TTLL11: variants seen among roughly 807,000 people sequenced by gnomAD.
The protein encoded by TTLL11 is tubulin polyglutamylase TTLL11.
TTLL11 carries 42 observed loss-of-function variants against 51.7 expected under a neutral mutation model. The observed-to-expected ratio is 0.81, with a 90% confidence interval of 0.64 to 1.05. The LOEUF (loss-of-function observed/expected upper bound fraction) is 1.05. TTLL11 is among the 50% of genes least tolerant of loss of function. The pLI is 0.00. For missense variants in TTLL11, 799 were observed against 940.4 expected, an observed-to-expected ratio of 0.85 and a Z score of 1.97; for synonymous variants, 381 against 383.5, an observed-to-expected ratio of 0.99 and a Z score of 0.08.
chr9:121,883,384 T>C (rs1254233715), intron 6 of TTLL11, among the ~76,000 whole-genome samples: 1 of 152,198 alleles, frequency 6.6e-6, no homozygotes. Flanking sequence ...GTAGCTGTTA[T>C]ATGACTCCTT....
intron 2 of TTLL11, among the ~76,000 whole-genome samples, chr9:122,036,161 G>A (rs1844693947): frequency 6.6e-6 from 1 of 152,086 alleles, no homozygotes; most frequent in African/African-American, 2.4e-5. Context: ...CCCCTAGGCT[G>A]TATTTTTCTT....
At chr9:122,017,792 A>G (rs1031502886) in intron 3 of TTLL11, among the ~76,000 whole-genome samples, 1 of 152,150 alleles carries the variant, frequency 6.6e-6, no homozygotes, top group Non-Finnish European at 1.5e-5. Context: ...GTCATAATGC[A>G]TCTATGCAGC....
chr9:121,971,263 TG>T (rs1170128943), intron 6 of TTLL11, among the ~76,000 whole-genome samples: 426 of 10,618 alleles, frequency 0.04, 41 homozygotes, highest in East Asian at 0.076. Flanking sequence ...GGGAGGGAGG[TG>T]GGGGGGGGGT....
intron 1 of TTLL11, among the ~76,000 whole-genome samples, chr9:122,086,718 T>C (rs949282287): frequency 2.0e-5 from 3 of 152,236 alleles, no homozygotes; most frequent in African/African-American, 7.2e-5. Flanking sequence ...TATTTCAGTG[T>C]GTTTTATTTT....
At chr9:122,061,200 A>G (rs1368160755) in intron 1 of TTLL11, among the ~76,000 whole-genome samples, 1 of 152,286 alleles carries the variant, frequency 6.6e-6, no homozygotes, top group Middle Eastern at 3.4e-3. Context: ...GACACTTGTC[A>G]TTGGATTTAG....
chr9:121,827,405 C>T (rs377173685), intron 8 of TTLL11, among the ~76,000 whole-genome samples: 317 of 152,240 alleles, frequency 2.1e-3, no homozygotes, highest in African/African-American at 7.4e-3. Context: ...ACGGGAAGTA[C>T]CTGAGGCCCC....
intron 6 of TTLL11, among the ~76,000 whole-genome samples, chr9:121,895,473 G>A (rs1338457597): frequency 3.3e-5 from 5 of 151,384 alleles, no homozygotes. Flanking sequence ...ATGTGTGGTT[G>A]TATGAGTGTT....
Position 121,989,621 on chromosome 9 carries a change from G to A in TTLL11, c.843C>T (p.Val281=). The A allele has an allele frequency of 3.7e-6, 6 of 1,614,108 alleles. No homozygotes were observed. Among genetic ancestry groups the A allele is most frequent in the Non-Finnish European group, 4.2e-6 (5 of 1,180,020 alleles). ...GGAGAGGTTTGCAGATGTACTCCTG[G>A]ACCACCGCTGGCCTGCTCTGGAGGG... The part of the protein sequence containing the change: ...AGTLQSRPAV[V]QEYICKPLLI... Residue 281 remains valine, a synonymous_variant, in exon 4 of 9, where the codon GTC becomes GTT. Transcript: ENST00000321582. The surrounding 1 kb of genome is among the most constrained non-coding windows in gnomAD (Gnocchi z 4.2).
At chr9:121,867,866 G>A (rs537761163) in intron 7 of TTLL11, among the ~76,000 whole-genome samples, 2 of 152,276 alleles carry the variant, frequency 1.3e-5, no homozygotes, top group African/African-American at 4.8e-5. Context: ...TCCTTTGAGG[G>A]CAGGCAGGGT....
intron 8 of TTLL11, among the ~76,000 whole-genome samples, chr9:121,829,810 CA>C (rs1339828130): frequency 4.1e-5 from 6 of 145,904 alleles, no homozygotes; most frequent in Admixed American, 2.0e-4. Flanking sequence ...CACACACACA[CA>C]CACCACACAC....
chr9:121,846,395 G>A (rs1564270294), intron 8 of TTLL11, among the ~76,000 whole-genome samples: 1 of 152,022 alleles, frequency 6.6e-6, no homozygotes, highest in Non-Finnish European at 1.5e-5. Context: ...AATTGGTAAG[G>A]GTATAGTTGA....
chr9:121,989,630 T>G lies in TTLL11; in HGVS notation c.834A>C (p.Pro278=). 6.2e-7 allele frequency: 1 copy of G among 1,614,182 alleles called. No homozygotes were observed. The highest frequency in any genetic ancestry group is 8.5e-7 in the Non-Finnish European group (1 of 1,180,032). ...TGCAGATGTACTCCTGGACCACCGCTGGCCTGCTCTGGAGGGTCCCTGCCA... is the reference window on the plus strand; with the variant it reads ...TGCAGATGTACTCCTGGACCACCGCGGGCCTGCTCTGGAGGGTCCCTGCCA... ...IRLAGTLQSR[P]AVVQEYICKP... Residue 278 remains proline, a synonymous_variant, in exon 4 of 9, where the codon CCA becomes CCC. Coordinates refer to ENST00000321582, the MANE Select transcript of TTLL11 (RefSeq NM_001139442.2). This position sits in a 1 kb window ranked among gnomAD's most constrained non-coding sequence, Gnocchi z 4.2.
intron 1 of TTLL11, among the ~76,000 whole-genome samples, chr9:122,082,962 A>G (rs958520630): frequency 6.6e-6 from 1 of 152,158 alleles, no homozygotes; most frequent in Non-Finnish European, 1.5e-5. Context: ...TGAGCCCAGG[A>G]GGTGGAGGCT....
intron 3 of TTLL11, among the ~76,000 whole-genome samples, chr9:122,015,233 A>G (rs1027656190): frequency 3.9e-5 from 6 of 152,166 alleles, no homozygotes; most frequent in African/African-American, 1.4e-4. Context: ...TATACTTTCC[A>G]GAGGGGAGCA....
chr9:122,042,287 C>A (rs1368042654), intron 1 of TTLL11, among the ~76,000 whole-genome samples: 1 of 151,936 alleles, frequency 6.6e-6, no homozygotes, highest in Non-Finnish European at 1.5e-5. Context: ...AGGCGTGAGT[C>A]ACTGCGCCCA....
rs7025360 is a variant in TTLL11, at chr9:121,818,854, G to C, written c.*3733C>G. ...GTCCTGAGGTGCAGGGGTCAGGTGC[G>C]GGCCTTAGGATGGAAAGAAGGGAAG... On this transcript the variant is annotated 3_prime_UTR_variant, in exon 9 of 9. Coordinates refer to ENST00000321582, the MANE Select transcript of TTLL11 (RefSeq NM_001139442.2). 2 of 152,714 alleles carry C rather than the reference G, an allele frequency of 1.3e-5. No homozygotes were observed. The highest frequency in any genetic ancestry group is 4.8e-5 in the African/African-American group (2 of 41,450). 9.5% of individuals were successfully genotyped at this position (152,714 alleles called of 1,614,324 possible). A position where few individuals can be genotyped will look rare whatever the true frequency, so the allele number is the denominator to read the frequency against.
At chr9:121,881,384 T>C (rs1489010973) in intron 6 of TTLL11, among the ~76,000 whole-genome samples, 3 of 152,262 alleles carry the variant, frequency 2.0e-5, no homozygotes, top group African/African-American at 4.8e-5. Flanking sequence ...TTTTCTATGG[T>C]AATCCTAATT....
At chr9:121,892,761 A>T (rs1413690379) in intron 6 of TTLL11, among the ~76,000 whole-genome samples, 1 of 152,214 alleles carries the variant, frequency 6.6e-6, no homozygotes, top group Non-Finnish European at 1.5e-5. Flanking sequence ...TCCTCCCTGG[A>T]AAATACCTCT....
At chr9:121,992,073 A>T (rs957398642) in intron 3 of TTLL11, among the ~76,000 whole-genome samples, 1 of 152,240 alleles carries the variant, frequency 6.6e-6, no homozygotes, top group East Asian at 1.9e-4. Context: ...CTCTGGCCTC[A>T]CCCTAAAGAT....
Sources: allele counts gnomAD v4.1 joint callset (sites outside exome capture counted in the v4.1 genomes callset), GRCh38; gene constraint gnomAD v4.1.1; non-coding constraint Gnocchi (gnomAD v3.1); transcripts MANE v1.5; gene names NCBI Gene and HGNC (gene_info 2026-07-23, HGNC 2026-07-21).